APP: variants seen among roughly 807,000 people sequenced by gnomAD.
The protein encoded by APP is amyloid beta precursor protein.
A neutral mutation model predicts 101.4 loss-of-function variants in APP; 31 were observed. The ratio of observed to expected loss-of-function variants is 0.31; its 90% CI spans 0.23 to 0.41. The LOEUF (loss-of-function observed/expected upper bound fraction) is 0.41, where lower values mean the gene tolerates loss of function less well. Ranked by LOEUF, APP falls within the 10% of genes least tolerant of loss-of-function variation. The probability of loss-of-function intolerance (pLI) is 1.00; values close to 1 mark genes in which losing one functional copy is unlikely to be tolerated. For missense variants in APP, 839 were observed against 1,003.7 expected (o/e 0.84, Z 2.22); for synonymous variants, 366 against 364.4 (o/e 1.00, Z -0.05).
chr21:26,003,834 A>G (rs1302978955), intron 6 of APP, among the ~76,000 whole-genome samples: 1 of 152,224 alleles, frequency 6.6e-6, no homozygotes, highest in Non-Finnish European at 1.5e-5. Flanking sequence ...CCCTCAGGGA[A>G]ATAATGAGAA....
intron 14 of APP, among the ~76,000 whole-genome samples, chr21:25,910,135 A>T (rs1437678876): frequency 2.6e-5 from 4 of 151,636 alleles, no homozygotes; most frequent in Non-Finnish European, 4.4e-5. Flanking sequence ...TTATTTATTT[A>T]TTTTTTTTAA....
intron 13 of APP, among the ~76,000 whole-genome samples, chr21:25,914,592 C>T (rs886674886): frequency 1.1e-4 from 15 of 132,350 alleles, no homozygotes; most frequent in East Asian, 4.4e-4. Flanking sequence ...CTTGCTCTGT[C>T]GCCCAGGCTG....
At chr21:25,945,995 T>C in intron 13 of APP, 1 of 442,560 alleles carries the variant, frequency 2.3e-6, no homozygotes, top group African/African-American at 2.0e-5. Flanking sequence ...ATAGTCTTTT[T>C]CAACAAATGG....
chr21:26,140,341 A>G (rs751137807), intron 1 of APP: 1 of 1,515,884 alleles, frequency 6.6e-7, no homozygotes, highest in Non-Finnish European at 8.8e-7. Flanking sequence ...AGTCAACAGC[A>G]TGTCAACACT....
chr21:26,028,990 G>A (rs7281216), intron 5 of APP, among the ~76,000 whole-genome samples: 83,380 of 151,954 alleles, frequency 0.55, 25,570 homozygotes, highest in Middle Eastern at 0.71. Flanking sequence ...AAATGCTGAA[G>A]TCGGGCACGG....
chr21:25,988,814 C>A (rs2042745337), intron 8 of APP, among the ~76,000 whole-genome samples: 1 of 142,678 alleles, frequency 7.0e-6, no homozygotes, highest in Non-Finnish European at 1.5e-5. Flanking sequence ...GGGTCAGATT[C>A]CCTTCTTTCT....
chr21:26,160,406 G>A (rs1040417517), intron 1 of APP, among the ~76,000 whole-genome samples: 1 of 152,008 alleles, frequency 6.6e-6, no homozygotes, highest in African/African-American at 2.4e-5. Flanking sequence ...TGGTATAAGA[G>A]GATTTAACAC....
intron 8 of APP, among the ~76,000 whole-genome samples, chr21:25,988,702 C>CAAAAAAAAAAAAAAAAAAAAAAAAAAAA (rs537417600): frequency 3.2e-5 from 2 of 62,364 alleles, no homozygotes; most frequent in African/African-American, 1.3e-4. Context: ...AACTCTGTCT[C>CAAAAAAAAAAAAAAAAAAAAAAAAAAAA]AAAAAAAAAA....
At chr21:26,090,888 A>G (rs1456326219) in intron 2 of APP, among the ~76,000 whole-genome samples, 1 of 152,216 alleles carries the variant, frequency 6.6e-6, no homozygotes, top group Non-Finnish European at 1.5e-5. Context: ...TAAACTCATG[A>G]ATTCTCTTTG....
intron 12 of APP, 72 bp from the exon 13 acceptor site, chr21:25,954,761 TC>T: frequency 7.3e-7 from 1 of 1,366,792 alleles, no homozygotes; most frequent in Admixed American, 1.9e-5. Context: ...TTTCTTTTTT[TC>T]TTTTTTTTTT....
chr21:26,029,464 G>A (rs1320320371), intron 5 of APP, among the ~76,000 whole-genome samples: 1 of 123,224 alleles, frequency 8.1e-6, no homozygotes, highest in Non-Finnish European at 1.6e-5. Flanking sequence ...GAGTGCTAGT[G>A]TGTCTAGTGA....
At chr21:26,017,128 G>A (rs550145111) in intron 6 of APP, among the ~76,000 whole-genome samples, 13 of 147,974 alleles carry the variant, frequency 8.8e-5, no homozygotes, top group African/African-American at 3.0e-4. Flanking sequence ...GAACCCGGGA[G>A]GCCGAGCTTG....
At chr21:26,131,905 A>ATTT (rs200108798) in intron 1 of APP, among the ~76,000 whole-genome samples, 3,667 of 147,668 alleles carry the variant, frequency 0.025, 97 homozygotes, top group Admixed American at 0.071. Context: ...TTGAATTAAG[A>ATTT]TTTTTTTTTT....
chr21:26,026,458 GT>G (rs2146800687), intron 5 of APP, among the ~76,000 whole-genome samples: 1 of 152,244 alleles, frequency 6.6e-6, no homozygotes, highest in East Asian at 1.9e-4. Context: ...CATCACAAAG[GT>G]GACTCTCCTT....
chr21:26,164,016 G>C (rs2063554269), intron 1 of APP, among the ~76,000 whole-genome samples: 1 of 152,216 alleles, frequency 6.6e-6, no homozygotes, highest in African/African-American at 2.4e-5. Flanking sequence ...GGAGGCCGAG[G>C]CAGGCGGATC....
intron 1 of APP, chr21:26,140,115 A>G: frequency 7.2e-7 from 1 of 1,395,126 alleles, no homozygotes; most frequent in Non-Finnish European, 9.8e-7. Context: ...ACCCAAATAC[A>G]GACTAAAAAC....
intron 1 of APP, among the ~76,000 whole-genome samples, chr21:26,140,934 T>C (rs867388334): frequency 6.6e-6 from 1 of 152,194 alleles, no homozygotes; most frequent in Non-Finnish European, 1.5e-5. Context: ...AATGGAGCAT[T>C]CTGGAGGAGT....
chr21:26,006,619 C>T (rs1336709489), intron 6 of APP, among the ~76,000 whole-genome samples: 1 of 152,128 alleles, frequency 6.6e-6, no homozygotes, highest in Non-Finnish European at 1.5e-5. Flanking sequence ...TGCTCAACCA[C>T]AAAAAATTAG....
intron 11 of APP, among the ~76,000 whole-genome samples, chr21:25,957,241 T>C (rs1160415167): frequency 1.3e-5 from 2 of 152,198 alleles, no homozygotes; most frequent in Non-Finnish European, 2.9e-5. Context: ...TGAAATCTGG[T>C]TGAATTTACA....
Sources: gnomAD v4.1 joint callset for allele counts (sites outside exome capture counted in the v4.1 genomes callset) on GRCh38, gnomAD v4.1.1 for gene constraint, MANE v1.5 for transcripts, NCBI Gene and HGNC (gene_info 2026-07-23, HGNC 2026-07-21) for gene names.